HECA: variants seen among roughly 807,000 people sequenced by gnomAD.
The protein encoded by HECA is HECA ribonucleoprotein granule regulator.
In HECA, 13 loss-of-function variants were observed where a neutral mutation model predicts 37.6. That is an observed-to-expected ratio of 0.35 (90% CI 0.23 to 0.55). The LOEUF (loss-of-function observed/expected upper bound fraction) is 0.55. Among genes scored for constraint, HECA ranks in the 20% least tolerant of loss-of-function variants. The probability of loss-of-function intolerance (pLI) is 0.90; values close to 1 mark genes in which losing one functional copy is unlikely to be tolerated. For missense variants in HECA, 527 were observed against 701.9 expected (o/e 0.75, Z 2.82); for synonymous variants, 307 against 291.5 (o/e 1.05, Z -0.54).
chr6:139,160,985 A>G (rs1774793597), intron 1 of HECA, among the ~76,000 whole-genome samples: 1 of 152,150 alleles, frequency 6.6e-6, no homozygotes, highest in African/African-American at 2.4e-5. Context: ...ACCTGGCATC[A>G]GACACCTCTC....
At chr6:139,158,260 T>C (rs1189604593) in intron 1 of HECA, among the ~76,000 whole-genome samples, 3 of 151,880 alleles carry the variant, frequency 2.0e-5, no homozygotes, top group South Asian at 4.2e-4. Context: ...CCCAGCACTT[T>C]GGGAGGCCGA....
Position 139,156,973 on chromosome 6 carries a change from G to A in HECA, c.272-9311G>A, listed in dbSNP as rs1478594513. ...ACAAGAAAGAATTCAGGGCGAGTCCGCAGTGCAAAGTGAAAGCAAGTTTAT... is the reference window on the plus strand; with the variant it reads ...ACAAGAAAGAATTCAGGGCGAGTCCACAGTGCAAAGTGAAAGCAAGTTTAT... On this transcript the variant is annotated intron_variant, in intron 1 of 3. Transcript: ENST00000367658. Among the ~76,000 whole-genome samples, 9 of 152,346 alleles carry A rather than the reference G, an allele frequency of 5.9e-5. 1 individual carries two copies. The South Asian group carries it at 8.3e-4, about 14-fold the overall frequency.
chr6:139,175,123 C>T (rs939433009), intron 3 of HECA, among the ~76,000 whole-genome samples: 1 of 152,044 alleles, frequency 6.6e-6, no homozygotes, highest in Non-Finnish European at 1.5e-5. Context: ...ATGAGGACAT[C>T]TGAAATTTAG....
Position 139,167,168 on chromosome 6 carries a change from G to T in HECA, c.1156G>T (p.Ala386Ser). Residue 386 changes from alanine (A) to serine (S), a missense_variant, in exon 2 of 4, where the codon GCC (alanine) becomes TCC (serine). Ala to Ser is a moderately conservative substitution (Grantham distance 99, BLOSUM62 1). Transcript: ENST00000367658. ...QGEDLRKFIL[A>S]ALSASHRNVV... ...GGAAGACTTGCGGAAGTTCATTCTG[G>T]CCGCGCTCAGTGCCAGCCACAGAAA... 4 of 1,614,176 alleles carry T rather than the reference G, an allele frequency of 2.5e-6. No individual in the cohort carries two copies. Among genetic ancestry groups the T allele is most frequent in the Non-Finnish European group, 3.4e-6 (4 of 1,180,024 alleles).
At chr6:139,139,951 T>A (rs1374667380) in intron 1 of HECA, among the ~76,000 whole-genome samples, 1 of 152,220 alleles carries the variant, frequency 6.6e-6, no homozygotes, top group South Asian at 2.1e-4. Flanking sequence ...AACAACTAAA[T>A]AGGCTTTGTG....
intron 1 of HECA, among the ~76,000 whole-genome samples, chr6:139,161,196 G>A (rs1281740171): frequency 6.6e-6 from 1 of 152,118 alleles, no homozygotes; most frequent in Non-Finnish European, 1.5e-5. Context: ...GGTCCACCCT[G>A]TTACCCCATT....
At chr6:139,173,164 C>T (rs1293531254) in intron 2 of HECA, among the ~76,000 whole-genome samples, 1 of 152,176 alleles carries the variant, frequency 6.6e-6, no homozygotes, top group Non-Finnish European at 1.5e-5. Context: ...TTTTCAATGC[C>T]GTAGAGCAGA....
chr6:139,148,121 C>G (rs935707304), intron 1 of HECA, among the ~76,000 whole-genome samples: 24 of 152,130 alleles, frequency 1.6e-4, no homozygotes, highest in African/African-American at 5.1e-4. Flanking sequence ...GTCCATTTTA[C>G]TAATAGGGTA....
At chr6:139,141,911 C>T (rs1774518133) in intron 1 of HECA, among the ~76,000 whole-genome samples, 1 of 144,976 alleles carries the variant, frequency 6.9e-6, no homozygotes, top group Non-Finnish European at 1.5e-5. Flanking sequence ...TGCCACCATG[C>T]CCAGCTAATT....
intron 1 of HECA, among the ~76,000 whole-genome samples, chr6:139,147,696 T>G (rs1455265636): frequency 1.3e-5 from 2 of 152,212 alleles, no homozygotes; most frequent in Non-Finnish European, 2.9e-5. Flanking sequence ...AAGGAAGCAC[T>G]TTACTCACAC....
At chr6:139,143,458 T>G (rs1158166090) in intron 1 of HECA, among the ~76,000 whole-genome samples, 2 of 152,210 alleles carry the variant, frequency 1.3e-5, no homozygotes, top group East Asian at 3.8e-4. Flanking sequence ...TTATCTACTC[T>G]TCCCCCATCT....
intron 2 of HECA, 66 bp from the exon 3 acceptor site, chr6:139,174,319 A>G (rs1775020965): frequency 6.6e-7 from 1 of 1,514,052 alleles, no homozygotes; most frequent in Admixed American, 2.1e-5. Flanking sequence ...AAACATTTTT[A>G]TCTCCTTGGA....
rs527876319 is a variant in HECA, at chr6:139,156,350, G to A, written c.272-9934G>A. ...CCTGAGTAGCTGGGACTACAGGCAC[G>A]TGCCACAACACCAGGCTAATTTTTG... On this transcript the variant is annotated intron_variant, in intron 1 of 3. Transcript: ENST00000367658. Among the ~76,000 whole-genome samples, 221 of 152,178 alleles carry A rather than the reference G, an allele frequency of 1.5e-3. 7 individuals are homozygous for A. In the South Asian group the frequency reaches 0.042, roughly 29 times the overall value.
intron 1 of HECA, among the ~76,000 whole-genome samples, chr6:139,161,710 T>C (rs1774806240): frequency 6.6e-6 from 1 of 152,260 alleles, no homozygotes; most frequent in Non-Finnish European, 1.5e-5. Context: ...ATATTGTGAA[T>C]GCAAATGTTA....
Position 139,142,908 on chromosome 6 carries a change from A to G in HECA, c.271+7241A>G, listed in dbSNP as rs187236643. Among the ~76,000 whole-genome samples, 1,165 of 152,168 alleles carry G rather than the reference A, an allele frequency of 7.7e-3. 8 individuals are homozygous for G. The highest frequency in any genetic ancestry group is 0.013 in the Non-Finnish European group (859 of 67,894). On this transcript the variant is annotated intron_variant, in intron 1 of 3. Transcript: ENST00000367658. ...GGTTGCAGTGAGCTGAGATCGCGCC[A>G]TTGCACTCCAGCCTGGCGACAGAAT...
chr6:139,141,966 G>A (rs182823461), intron 1 of HECA, among the ~76,000 whole-genome samples: 13 of 118,228 alleles, frequency 1.1e-4, no homozygotes, highest in Middle Eastern at 6.8e-3. Context: ...TCGCTCTGTC[G>A]CCCAGGCTGG....
At position 139,166,491 on chromosome 6, in the gene HECA, G is replaced by A. The variant is rs1002814746; in HGVS notation, c.479G>A (p.Arg160His). 1.9e-6 allele frequency: 3 copies of A among 1,614,144 alleles called. No homozygotes were observed. The highest frequency in any genetic ancestry group is 1.7e-6 in the Non-Finnish European group (2 of 1,179,968). Reference sequence around the variant, plus strand: ...CGCAGCTGGAACGAGAAGCAATGCCGCCAGAACATGTGGACAAAGAAGGGC... The same window carrying A: ...CGCAGCTGGAACGAGAAGCAATGCCACCAGAACATGTGGACAAAGAAGGGC... ...RARSWNEKQC[R>H]QNMWTKKGYD... is the part of the protein sequence containing the mutation. Residue 160 changes from arginine (R) to histidine (H), a missense_variant, in exon 2 of 4, where the codon CGC becomes CAC. Physicochemically the swap from Arg to His is conservative, Grantham distance 29. Transcript: ENST00000367658.
At position 139,166,346 on chromosome 6, in the gene HECA, G is replaced by T; in HGVS notation, c.334G>T (p.Asp112Tyr). 6.2e-7 allele frequency: 1 copy of T among 1,613,914 alleles called. No individual in the cohort carries two copies. Among genetic ancestry groups the T allele is most frequent in the South Asian group, 1.1e-5 (1 of 91,064 alleles). ...FGRPVDLEKD[D>Y]YQKVVCNNEH... ...TAGGCCGGTGGACCTGGAGAAGGAC[G>T]ACTACCAGAAGGTGGTGTGCAACAA... The change falls in exon 2 of 4, where the codon GAC becomes TAC. Residue 112 changes from aspartate (D) to tyrosine (Y), a missense_variant. By Grantham distance (160) the Asp-to-Tyr change is radical (BLOSUM62 -3). Transcript: ENST00000367658.
intron 1 of HECA, among the ~76,000 whole-genome samples, chr6:139,148,128 G>A (rs1463237255): frequency 1.3e-5 from 2 of 151,674 alleles, no homozygotes; most frequent in African/African-American, 4.8e-5. Flanking sequence ...TTACTAATAG[G>A]GTATTTGTGT....
Sources: allele counts gnomAD v4.1 joint callset (sites outside exome capture counted in the v4.1 genomes callset), GRCh38; gene constraint gnomAD v4.1.1; transcripts MANE v1.5; gene names NCBI Gene and HGNC (gene_info 2026-07-23, HGNC 2026-07-21).